The following MMP26 variants were observed in gnomAD, a reference collection of about 807,000 sequenced individuals.
The protein encoded by MMP26 is matrix metallopeptidase 26.
In MMP26, 33 loss-of-function variants were observed where a neutral mutation model predicts 31.0. The ratio of observed to expected loss-of-function variants is 1.06; its 90% confidence interval spans 0.81 to 1.42. The LOEUF is 1.42. Among genes scored for constraint, MMP26 ranks in the 40% most tolerant of loss-of-function variants. The pLI is 0.00. For synonymous variants in MMP26, 122 were observed against 114.9 expected (o/e 1.06, Z -0.40); for missense variants, 347 against 316.1 (o/e 1.10, Z -0.74).
intron 2 of MMP26, among the ~76,000 whole-genome samples, chr11:4,878,379 T>C (rs888945639): frequency 4.2e-4 from 64 of 152,230 alleles, no homozygotes; most frequent in African/African-American, 1.5e-3. Context: ...TATTTATATA[T>C]TTTATAACAT....
chr11:4,991,316 T>C lies in MMP26; in HGVS notation c.470-55T>C, dbSNP rs371767955. 1.4e-5 allele frequency: 22 copies of C among 1,578,192 alleles called. No individual in the cohort carries two copies. The African/African-American group carries it at 2.8e-4, about 20-fold the overall frequency. On this transcript the variant is annotated intron_variant, in intron 5 of 7. Transcript: ENST00000380390. ...CTCTGAGGCTTACTTAAGACTATTC[T>C]GGCCTTTGTTTCTACCTCCACCCTC... is the stretch of plus-strand genomic sequence containing the variant.
At chr11:4,870,839 C>T (rs1202275501) in intron 2 of MMP26, among the ~76,000 whole-genome samples, 1 of 152,018 alleles carries the variant, frequency 6.6e-6, no homozygotes, top group Non-Finnish European at 1.5e-5. Context: ...GAGATCAAGG[C>T]AGTATTGTAG....
intron 1 of MMP26, among the ~76,000 whole-genome samples, chr11:4,764,874 T>TCACA (rs149703459): frequency 0.024 from 3,704 of 151,364 alleles, 122 homozygotes; most frequent in African/African-American, 0.072. Flanking sequence ...CGAGACTCCA[T>TCACA]CACAGACACA....
At position 4,988,167 on chromosome 11, in the gene MMP26, A is replaced by C. The variant is rs1408062276; in HGVS notation, c.-45A>C. On this transcript the variant is annotated 5_prime_UTR_variant, in exon 3 of 8. Transcript: ENST00000380390. ...ACAGCTATAAAGATCCAGTGGCCCAAGTTGTGTACCTGAATTCAAGCAGTG... is the reference window on the plus strand; with the variant it reads ...ACAGCTATAAAGATCCAGTGGCCCACGTTGTGTACCTGAATTCAAGCAGTG... 6.4e-7 allele frequency: 1 copy of C among 1,559,104 alleles called. No homozygotes were observed. The highest frequency in any genetic ancestry group is 1.1e-5 in the South Asian group (1 of 89,894).
intron 2 of MMP26, among the ~76,000 whole-genome samples, chr11:4,775,888 C>A (rs76043733): frequency 0.012 from 1,801 of 152,080 alleles, 32 homozygotes; most frequent in African/African-American, 0.041. Context: ...TGAATGTAAC[C>A]ATTATGTGAA....
chr11:4,915,218 A>G (rs759148074), intron 2 of MMP26: 5 of 1,613,984 alleles, frequency 3.1e-6, no homozygotes, highest in South Asian at 2.2e-5. Context: ...GACCAGGCCA[A>G]TCCTGCCAAT....
intron 2 of MMP26, among the ~76,000 whole-genome samples, chr11:4,780,061 G>A (rs927683756): frequency 6.6e-6 from 1 of 152,092 alleles, no homozygotes; most frequent in South Asian, 2.1e-4. Context: ...AATTCCATTT[G>A]TGGGTATACA....
chr11:4,739,279 C>G (rs569728546), intron 1 of MMP26, among the ~76,000 whole-genome samples: 17 of 152,310 alleles, frequency 1.1e-4, no homozygotes, highest in African/African-American at 3.8e-4. Flanking sequence ...GAGCTTTTAA[C>G]TCCACCGGGA....
chr11:4,989,652 A>G lies in MMP26; in HGVS notation c.104A>G (p.Tyr35Cys). Reference sequence around the variant, plus strand: ...ATCCTTCTTGATCTGATTCAGGGCTATTTCCATCAATTTTTCCTGACCAAG... The same window carrying G: ...ATCCTTCTTGATCTGATTCAGGGCTGTTTCCATCAATTTTTCCTGACCAAG... ...DHKGWDFVEG[Y>C]FHQFFLTKKE... is the part of the protein sequence containing the mutation. The change falls in exon 4 of 8, where the codon TAT (tyrosine) becomes TGT (cysteine). Residue 35 changes from tyrosine (Y) to cysteine (C), a missense_variant. By Grantham distance (194) the Tyr-to-Cys change is radical. Transcript: ENST00000380390. The G allele has an allele frequency of 6.2e-7, 1 of 1,610,932 alleles. No homozygotes were observed. The highest frequency in any genetic ancestry group is 1.1e-5 in the South Asian group (1 of 90,728).
At chr11:4,780,326 T>C (rs1319712720) in intron 2 of MMP26, among the ~76,000 whole-genome samples, 3 of 152,140 alleles carry the variant, frequency 2.0e-5, no homozygotes, top group Non-Finnish European at 4.4e-5. Context: ...AATTTTAGTA[T>C]CTGCATCATC....
intron 6 of MMP26, 25 bp from the exon 7 acceptor site, chr11:4,991,939 C>A (rs1011338808): frequency 7.7e-7 from 1 of 1,293,186 alleles, no homozygotes; most frequent in Admixed American, 2.4e-5. Context: ...TTAATTTTAT[C>A]TTTTTTTTTT....
chr11:4,767,342 G>A lies in MMP26; in HGVS notation c.-145+1G>A, dbSNP rs1848645317. 1 of 152,002 alleles carries A rather than the reference G, an allele frequency of 6.6e-6. No individual in the cohort carries two copies. The highest frequency in any genetic ancestry group is 1.5e-5 in the Non-Finnish European group (1 of 67,996). 9.4% of individuals were successfully genotyped at this position (152,002 alleles called of 1,614,324 possible). A position where few individuals can be genotyped will look rare whatever the true frequency, so the allele number is the denominator to read the frequency against. ...TTCAACTCAGAAGTCAACATAAAGG[G>A]TAAAATTTTACTTTTATATTATGAA... On this transcript the variant is annotated splice_donor_variant, in intron 2 of 7. Transcript: ENST00000380390. LOFTEE classifies it low-confidence loss of function (5UTR_SPLICE).
chr11:4,915,095 A>G (rs775568773), intron 2 of MMP26: 9 of 1,613,886 alleles, frequency 5.6e-6, no homozygotes, highest in East Asian at 2.2e-5. Context: ...GGCCAATTTC[A>G]TCACTTCTTG....
Position 4,947,775 on chromosome 11 carries a change from C to G in MMP26, c.-144-40293C>G, listed in dbSNP as rs1467052889. Among the ~76,000 whole-genome samples, 3 of 125,208 alleles carry G rather than the reference C, an allele frequency of 2.4e-5. 1 individual carries two copies. The allele number at this position is 125,208 out of a possible 152,430, so 82.1% of individuals were successfully genotyped here. On this transcript the variant is annotated intron_variant, in intron 2 of 7. Transcript: ENST00000380390. ...ATAAACATTTGCAGATGCAGTAAAT[C>G]TACAGAGATGGTTGATACCAAGGAA... is the stretch of plus-strand genomic sequence containing the variant.
At chr11:4,734,299 T>C (rs1354191950) in intron 1 of MMP26, among the ~76,000 whole-genome samples, 1 of 152,210 alleles carries the variant, frequency 6.6e-6, no homozygotes, top group Admixed American at 6.5e-5. Flanking sequence ...GTTTTCCTTC[T>C]TGAGAAGTTT....
intron 1 of MMP26, among the ~76,000 whole-genome samples, chr11:4,737,259 GT>G: frequency 6.6e-6 from 1 of 152,290 alleles, no homozygotes; most frequent in South Asian, 2.1e-4. Flanking sequence ...CTACTTCCCA[GT>G]TTTGATATTT....
At chr11:4,772,906 C>A (rs1227868815) in intron 2 of MMP26, among the ~76,000 whole-genome samples, 1 of 152,190 alleles carries the variant, frequency 6.6e-6, no homozygotes, top group Non-Finnish European at 1.5e-5. Context: ...TACTCCTGTG[C>A]ATTCCTGTTC....
intron 2 of MMP26, among the ~76,000 whole-genome samples, chr11:4,966,709 C>T (rs953429894): frequency 4.2e-4 from 64 of 152,124 alleles, no homozygotes; most frequent in South Asian, 1.9e-3. Context: ...ATCAAGGAAA[C>T]GCTGTCTTAT....
chr11:4,832,803 A>G (rs746268367), intron 2 of MMP26: 1 of 170,238 alleles, frequency 5.9e-6, no homozygotes, highest in Non-Finnish European at 1.3e-5. Flanking sequence ...CATCCTGAAG[A>G]CTGTGTTGGG....
Sources: gnomAD v4.1 joint callset for allele counts (sites outside exome capture counted in the v4.1 genomes callset) on GRCh38, gnomAD v4.1.1 for gene constraint, MANE v1.5 for transcripts, NCBI Gene and HGNC (gene_info 2026-07-23, HGNC 2026-07-21) for gene names.